FSTL4: variants seen among roughly 807,000 people sequenced by gnomAD.
FSTL4 encodes follistatin-related protein 4.
Under a neutral mutation model 78.2 loss-of-function variants are expected in FSTL4, and 28 were observed. The ratio of observed to expected loss-of-function variants is 0.36; its 90% CI spans 0.27 to 0.49. The LOEUF is 0.49. Among genes scored for constraint, FSTL4 ranks in the 20% least tolerant of loss-of-function variants. The pLI is 0.98. For synonymous variants in FSTL4, 422 were observed against 440.5 expected, an observed-to-expected ratio of 0.96 and a Z score of 0.53; for missense variants, 922 against 1,084.9, an observed-to-expected ratio of 0.85 and a Z score of 2.11.
At chr5:133,367,376 C>A (rs998363916) in intron 4 of FSTL4, among the ~76,000 whole-genome samples, 2 of 152,198 alleles carry the variant, frequency 1.3e-5, no homozygotes, top group African/African-American at 4.8e-5. Context: ...AGATTTCAGT[C>A]CAGAATGTCT....
chr5:133,379,228 T>C (rs1474861852), intron 4 of FSTL4, among the ~76,000 whole-genome samples: 1 of 152,034 alleles, frequency 6.6e-6, no homozygotes, highest in Admixed American at 6.6e-5. Context: ...TTTAGACATA[T>C]ACACATCTAA....
At chr5:133,327,630 T>C (rs1754246052) in intron 4 of FSTL4, among the ~76,000 whole-genome samples, 1 of 152,114 alleles carries the variant, frequency 6.6e-6, no homozygotes, top group South Asian at 2.1e-4. Context: ...CGGTAAGGCA[T>C]GGATGTGCTG....
the FSTL4 span, among the ~76,000 whole-genome samples, chr5:133,730,464 C>T: frequency 6.6e-6 from 1 of 152,114 alleles, no homozygotes; most frequent in Non-Finnish European, 1.5e-5. Flanking sequence ...CCTCTGAGGC[C>T]TCGGGTCCCA....
chr5:133,366,871 A>G (rs528822291), intron 4 of FSTL4, among the ~76,000 whole-genome samples: 41 of 152,286 alleles, frequency 2.7e-4, no homozygotes, highest in African/African-American at 9.6e-4. Context: ...AAGGCCAAAA[A>G]AATTCCTACA....
chr5:133,585,584 A>G (rs185385391), intron 2 of FSTL4, among the ~76,000 whole-genome samples: 98 of 5,218 alleles, frequency 0.019, 4 homozygotes, highest in Non-Finnish European at 0.024. Context: ...GGAGCTAACT[A>G]TCCTAAACAT....
At chr5:133,221,913 T>TTTTGTTTTG (rs1554097223) in intron 11 of FSTL4, among the ~76,000 whole-genome samples, 9 of 97,840 alleles carry the variant, frequency 9.2e-5, no homozygotes, top group African/African-American at 3.7e-4. Context: ...TTTTTTTTTT[T>TTTTGTTTTG]TTTTTTTTTT....
At chr5:133,345,783 C>A (rs1326090876) in intron 4 of FSTL4, among the ~76,000 whole-genome samples, 1 of 152,206 alleles carries the variant, frequency 6.6e-6, no homozygotes, top group African/African-American at 2.4e-5. Flanking sequence ...CGTTTTTACA[C>A]TGTTGGTGGG....
chr5:133,705,187 G>T, the FSTL4 span, among the ~76,000 whole-genome samples: 1 of 152,130 alleles, frequency 6.6e-6, no homozygotes, highest in Non-Finnish European at 1.5e-5. Context: ...AGCCTCCCAA[G>T]TAGCTGGGAT....
At chr5:133,203,494 C>G (rs1750393435) in intron 14 of FSTL4, among the ~76,000 whole-genome samples, 1 of 152,188 alleles carries the variant, frequency 6.6e-6, no homozygotes, top group Non-Finnish European at 1.5e-5. Flanking sequence ...AGTCAGCAGG[C>G]AGAGTGCTGG....
At chr5:133,729,901 G>C in the FSTL4 span, among the ~76,000 whole-genome samples, 9 of 152,222 alleles carry the variant, frequency 5.9e-5, no homozygotes, top group South Asian at 1.9e-3. Flanking sequence ...GGAAGGGCAG[G>C]CTCAGTGGGA....
chr5:133,217,525 C>T, intron 12 of FSTL4, 147 bp from the exon 13 acceptor site: 1 of 670,366 alleles, frequency 1.5e-6, no homozygotes, highest in Non-Finnish European at 2.5e-6. Flanking sequence ...CCCAAGCCCT[C>T]CAACATCACT....
rs977030448 is a variant in FSTL4, at chr5:133,239,206, C to A, written c.895-5669G>T. Among the ~76,000 whole-genome samples, 9 of 152,260 alleles carry A rather than the reference C, an allele frequency of 5.9e-5. No individual in the cohort carries two copies. The South Asian group carries it at 1.7e-3, about 28-fold the overall frequency. The stretch of plus-strand genomic sequence containing the variant: ...GGGGCAAGGCTCAGGATCTGCAGCC[C>A]GCCATGCCTGAGCCTCCCCCACCCC... On this transcript the variant is annotated intron_variant, in intron 7 of 15. Coordinates refer to ENST00000265342, the MANE Select transcript of FSTL4 (RefSeq NM_015082.2).
chr5:133,356,670 C>G (rs1754951258), intron 4 of FSTL4, among the ~76,000 whole-genome samples: 1 of 152,196 alleles, frequency 6.6e-6, no homozygotes, highest in Non-Finnish European at 1.5e-5. Context: ...GTGTCAACTG[C>G]AGGGTTGCCA....
the FSTL4 span, chr5:133,720,879 G>C: frequency 6.6e-6 from 1 of 152,072 alleles, no homozygotes; most frequent in Non-Finnish European, 1.5e-5. Flanking sequence ...GACACATTTG[G>C]GTGTGCCCCC....
At chr5:133,705,027 G>C in the FSTL4 span, among the ~76,000 whole-genome samples, 1 of 152,304 alleles carries the variant, frequency 6.6e-6, no homozygotes, top group Middle Eastern at 3.4e-3. Context: ...TGATGTCTGT[G>C]GTGGGATGTG....
intron 3 of FSTL4, among the ~76,000 whole-genome samples, chr5:133,464,048 T>A (rs959309116): frequency 6.6e-6 from 1 of 152,210 alleles, no homozygotes; most frequent in African/African-American, 2.4e-5. Context: ...GAACCTGGAG[T>A]GTGTACTCAC....
Position 133,276,193 on chromosome 5 carries a change from G to T in FSTL4, c.728-26617C>A, listed in dbSNP as rs185044901. Among the ~76,000 whole-genome samples, 133 of 152,314 alleles carry T rather than the reference G, an allele frequency of 8.7e-4. No individual in the cohort carries two copies. The Middle Eastern group carries it at 0.014, about 16-fold the overall frequency. On this transcript the variant is annotated intron_variant, in intron 6 of 15. Transcript: ENST00000265342. Reference sequence around the variant, plus strand: ...CCTTAAGGAGGGAAATACATCTCTTGTCCCCCAGGGTGGAAGCCATAGAGG... The same window carrying T: ...CCTTAAGGAGGGAAATACATCTCTTTTCCCCCAGGGTGGAAGCCATAGAGG...
the FSTL4 span, among the ~76,000 whole-genome samples, chr5:133,750,499 A>G: frequency 6.6e-6 from 1 of 151,976 alleles, no homozygotes; most frequent in African/African-American, 2.4e-5. Context: ...AAAAGTGACA[A>G]CCAGAGGATT....
intron 3 of FSTL4, among the ~76,000 whole-genome samples, chr5:133,558,404 C>T (rs1350317171): frequency 6.6e-6 from 1 of 152,150 alleles, no homozygotes; most frequent in African/African-American, 2.4e-5. Context: ...CAATCACTGG[C>T]TTGCAGTACA....
Sources: gnomAD v4.1 joint callset for allele counts (sites outside exome capture counted in the v4.1 genomes callset) on GRCh38, gnomAD v4.1.1 for gene constraint, MANE v1.5 for transcripts, NCBI Gene and HGNC (gene_info 2026-07-23, HGNC 2026-07-21) for gene names.